IFI16: variants seen among roughly 807,000 people sequenced by gnomAD.
The protein encoded by IFI16 is gamma-interferon-inducible protein 16.
In IFI16, 49 loss-of-function variants were observed where a neutral mutation model predicts 68.4. The observed-to-expected ratio is 0.72, with a 90% confidence interval of 0.57 to 0.91. The LOEUF (loss-of-function observed/expected upper bound fraction) is 0.91. IFI16 is among the 40% of genes least tolerant of loss of function. The pLI, the probability that IFI16 is intolerant of heterozygous loss-of-function variation, is 0.00. For missense variants in IFI16, 878 were observed against 942.9 expected (o/e 0.93, Z 0.90); for synonymous variants, 307 against 315.0 (o/e 0.97, Z 0.27).
At chr1:159,044,098 C>G (rs1185828995) in intron 7 of IFI16, among the ~76,000 whole-genome samples, 3 of 152,118 alleles carry the variant, frequency 2.0e-5, no homozygotes, top group Admixed American at 1.3e-4. Context: ...ATTTACTGAG[C>G]TCTGGACTCT....
At chr1:159,041,402 A>T (rs1403152293) in intron 7 of IFI16, among the ~76,000 whole-genome samples, 1 of 152,146 alleles carries the variant, frequency 6.6e-6, no homozygotes, top group Non-Finnish European at 1.5e-5. Context: ...TGACTCTGGA[A>T]CTGTAGCTTT....
chr1:159,013,459 C>T (rs200700017), intron 1 of IFI16, among the ~76,000 whole-genome samples: 138 of 152,236 alleles, frequency 9.1e-4, no homozygotes, highest in East Asian at 4.2e-3. Context: ...TGAGCCACTG[C>T]GCCTGGCCCA....
intron 7 of IFI16, among the ~76,000 whole-genome samples, chr1:159,042,436 T>A (rs1201917129): frequency 6.6e-6 from 1 of 152,214 alleles, no homozygotes; most frequent in African/African-American, 2.4e-5. Flanking sequence ...TTCTTTGCGA[T>A]CCTTTCTCCT....
rs1412536923 is a variant in IFI16, at chr1:159,047,969, A to G, written c.1498-1463A>G. On this transcript the variant is annotated intron_variant, in intron 8 of 11. Coordinates refer to ENST00000295809, the MANE Select transcript of IFI16 (RefSeq NM_001376587.1). ...TTATTCAAACAAAGATTATAATTTCATCATCCAAACTGGGCTACTGTGATG... is the reference window on the plus strand; with the variant it reads ...TTATTCAAACAAAGATTATAATTTCGTCATCCAAACTGGGCTACTGTGATG... 2.1e-5 allele frequency among the ~76,000 whole-genome samples: 3 copies of G among 145,222 alleles called. No individual in the cohort carries two copies. In the East Asian group the frequency reaches 5.9e-4, roughly 29 times the overall value.
At chr1:159,016,335 T>C (rs976631161) in intron 3 of IFI16, among the ~76,000 whole-genome samples, 198 bp from the exon 4 acceptor site, 4 of 152,196 alleles carry the variant, frequency 2.6e-5, no homozygotes, top group Non-Finnish European at 5.9e-5. Context: ...AGAAATAATG[T>C]GTATAACATT....
At chr1:159,048,342 C>G (rs1396392434) in intron 8 of IFI16, among the ~76,000 whole-genome samples, 1 of 151,484 alleles carries the variant, frequency 6.6e-6, no homozygotes, top group Non-Finnish European at 1.5e-5. Flanking sequence ...AGTCCCACTT[C>G]ACATGTGAGA....
rs191657264 is a variant in IFI16, at chr1:159,028,842, C to T, written c.1162-3682C>T. Among the ~76,000 whole-genome samples the T allele has an allele frequency of 4.3e-3, 516 of 121,352 alleles. 2 individuals carry two copies. The highest frequency in any genetic ancestry group is 0.018 in the African/African-American group (453 of 25,366). The allele number at this position is 121,352 out of a possible 152,430, so 79.6% of individuals were successfully genotyped here. On this transcript the variant is annotated intron_variant, in intron 6 of 11. Coordinates refer to ENST00000295809, the MANE Select transcript of IFI16 (RefSeq NM_001376587.1). The stretch of plus-strand genomic sequence containing the variant: ...AGTATATCTTTTTCTACCCCTTTAC[C>T]TTATGTTTATATGAAACCTTATGTT...
At chr1:159,038,872 C>T (rs181425991) in intron 7 of IFI16, among the ~76,000 whole-genome samples, 103 of 152,254 alleles carry the variant, frequency 6.8e-4, no homozygotes, top group African/African-American at 2.0e-3. Flanking sequence ...AACAGAATCC[C>T]GCCCCTGGAA....
chr1:159,023,513 T>G (rs1653467287), intron 6 of IFI16, among the ~76,000 whole-genome samples: 1 of 152,246 alleles, frequency 6.6e-6, no homozygotes, highest in Non-Finnish European at 1.5e-5. Context: ...TATTTGATTT[T>G]GTGCTTTAAA....
At chr1:159,046,708 T>C (rs1655010371) in intron 8 of IFI16, among the ~76,000 whole-genome samples, 2 of 151,210 alleles carry the variant, frequency 1.3e-5, no homozygotes, top group African/African-American at 4.8e-5. Flanking sequence ...TCCATCTCAA[T>C]TCTGTCCCCA....
intron 3 of IFI16, 38 bp from the exon 4 acceptor site, chr1:159,016,495 A>G (rs200212582): frequency 1.3e-6 from 2 of 1,558,454 alleles, no homozygotes; most frequent in East Asian, 2.3e-5. Context: ...TTCATTTGGC[A>G]CTGAAAACGA....
intron 7 of IFI16, among the ~76,000 whole-genome samples, chr1:159,040,519 A>G (rs3768514): frequency 0.16 from 25,060 of 152,194 alleles, 2,385 homozygotes; most frequent in East Asian, 0.3. Flanking sequence ...AAAAAGTTTT[A>G]TGTTCTAAAT....
chr1:159,029,321 A>G (rs954772791), intron 6 of IFI16, among the ~76,000 whole-genome samples: 13 of 152,362 alleles, frequency 8.5e-5, no homozygotes, highest in Admixed American at 5.2e-4. Context: ...TAGTACTCCA[A>G]ACCTTTCTAG....
At chr1:159,025,181 CG>C (rs988089599) in intron 6 of IFI16, among the ~76,000 whole-genome samples, 1 of 152,120 alleles carries the variant, frequency 6.6e-6, no homozygotes, top group Non-Finnish European at 1.5e-5. Flanking sequence ...TGACGCCTCC[CG>C]CTCCATTCCT....
At chr1:159,041,526 C>T (rs1654639893) in intron 7 of IFI16, among the ~76,000 whole-genome samples, 1 of 152,140 alleles carries the variant, frequency 6.6e-6, no homozygotes, top group African/African-American at 2.4e-5. Context: ...TTTGATGAGA[C>T]AGGTTTACTT....
intron 6 of IFI16, among the ~76,000 whole-genome samples, chr1:159,026,398 A>G (rs779280452): frequency 2.6e-5 from 4 of 151,546 alleles, no homozygotes; most frequent in Admixed American, 6.6e-5. Flanking sequence ...TCCCGGGTTC[A>G]AGCGATTCTC....
upstream of IFI16, among the ~76,000 whole-genome samples, chr1:159,003,930 G>A (rs776605520): frequency 3.9e-5 from 6 of 152,114 alleles, no homozygotes; most frequent in Non-Finnish European, 8.8e-5. Context: ...AAAGTGCTGG[G>A]ATTACAGGCG....
Position 159,018,411 on chromosome 1 carries a change from T to G in IFI16, c.732T>G (p.Val244=). 6.2e-7 allele frequency: 1 copy of G among 1,614,122 alleles called. No individual in the cohort carries two copies. The part of the protein sequence containing the change: ...ATQTQFFHVK[V]LNTSLKEKFN... Reference sequence around the variant, plus strand: ...AGACACAGTTCTTCCATGTGAAGGTTTTAAACACCAGCTTGAAGGAGAAAT... The same window carrying G: ...AGACACAGTTCTTCCATGTGAAGGTGTTAAACACCAGCTTGAAGGAGAAAT... The change falls in exon 5 of 12, where the codon GTT becomes GTG. Residue 244 remains valine, a synonymous_variant. Coordinates refer to ENST00000295809, the MANE Select transcript of IFI16 (RefSeq NM_001376587.1).
At chr1:159,012,658 C>A (rs571841172) in intron 1 of IFI16, among the ~76,000 whole-genome samples, 6 of 152,300 alleles carry the variant, frequency 3.9e-5, no homozygotes. Flanking sequence ...CTGCCTGCGT[C>A]AGTCACAATG....
Sources: gnomAD v4.1 joint callset for allele counts (sites outside exome capture counted in the v4.1 genomes callset) on GRCh38, gnomAD v4.1.1 for gene constraint, MANE v1.5 for transcripts, NCBI Gene and HGNC (gene_info 2026-07-23, HGNC 2026-07-21) for gene names.